RSBN1L: variants seen among roughly 807,000 people sequenced by gnomAD.
RSBN1L encodes the protein lysine-specific demethylase RSBN1L.
In RSBN1L, 30 loss-of-function variants were observed where a neutral mutation model predicts 67.7. That is an observed-to-expected ratio of 0.44 (90% CI 0.33 to 0.60). RSBN1L has a LOEUF of 0.60. RSBN1L is among the 20% of genes least tolerant of loss of function. RSBN1L has a pLI of 0.02. For synonymous variants in RSBN1L, 433 were observed against 387.0 expected, an observed-to-expected ratio of 1.12 and a Z score of -1.39; for missense variants, 992 against 1,031.7, an observed-to-expected ratio of 0.96 and a Z score of 0.53.
chr7:77,713,324 A>G (rs1426632324), intron 1 of RSBN1L, among the ~76,000 whole-genome samples: 3 of 151,634 alleles, frequency 2.0e-5, no homozygotes, highest in African/African-American at 7.3e-5. Context: ...ATTCATCAGT[A>G]ATTTAATTTT....
intron 3 of RSBN1L, among the ~76,000 whole-genome samples, chr7:77,759,382 T>C (rs1488462971): frequency 6.6e-6 from 1 of 152,206 alleles, no homozygotes; most frequent in Non-Finnish European, 1.5e-5. Context: ...TTCGTTCTTA[T>C]TTTAGTTGCC....
intron 6 of RSBN1L, 86 bp downstream of exon 6, chr7:77,773,400 G>A: frequency 1.0e-6 from 1 of 996,604 alleles, no homozygotes; most frequent in Non-Finnish European, 1.4e-6. Context: ...CCTCCTTACT[G>A]TGGGAAAAAA....
At chr7:77,752,169 T>A (rs1172920790) in intron 3 of RSBN1L, among the ~76,000 whole-genome samples, 5 of 152,186 alleles carry the variant, frequency 3.3e-5, no homozygotes, top group Admixed American at 3.3e-4. Context: ...ATGAGCCACC[T>A]CCTCTGGTTG....
chr7:77,712,519 T>A (rs933391334), intron 1 of RSBN1L, among the ~76,000 whole-genome samples: 1 of 152,144 alleles, frequency 6.6e-6, no homozygotes, highest in Non-Finnish European at 1.5e-5. Context: ...CCTCAGGTGA[T>A]CCACCCTCCT....
chr7:77,765,661 G>GTTT, intron 4 of RSBN1L, 29 bp downstream of exon 4: 5 of 1,393,874 alleles, frequency 3.6e-6, no homozygotes, highest in Non-Finnish European at 3.9e-6. Flanking sequence ...TGGGATTAGA[G>GTTT]TTTTTTTTTT....
intron 1 of RSBN1L, among the ~76,000 whole-genome samples, chr7:77,721,862 A>G (rs1354855989): frequency 1.3e-5 from 2 of 152,222 alleles, no homozygotes; most frequent in Non-Finnish European, 2.9e-5. Context: ...GGTAAACTAT[A>G]CATTTAAGGA....
At position 77,696,590 on chromosome 7, in the gene RSBN1L, T is replaced by C. The variant is rs776075957; in HGVS notation, c.121T>C (p.Ser41Pro). The C allele has an allele frequency of 4.3e-6, 7 of 1,614,008 alleles. No homozygotes were observed. In the South Asian group the frequency reaches 7.7e-5, roughly 18 times the overall value. ...LSSRDPPGSL[S>P]AKKVRTEEKK... is the part of the protein sequence containing the mutation. ...CTCCCGGGACCCTCCGGGTTCTCTG[T>C]CCGCCAAGAAGGTCCGGACTGAGGA... Residue 41 changes from serine (S) to proline (P), a missense_variant, in exon 1 of 8, where the codon TCC becomes CCC. This residue lies in a region of RSBN1L where 575 missense variants were observed against 483.2 expected (regional missense o/e 1.19). Coordinates refer to ENST00000334955, the MANE Select transcript of RSBN1L (RefSeq NM_198467.3).
At chr7:77,752,930 C>CT (rs1381217867) in intron 3 of RSBN1L, among the ~76,000 whole-genome samples, 2 of 152,112 alleles carry the variant, frequency 1.3e-5, no homozygotes, top group Non-Finnish European at 2.9e-5. Flanking sequence ...TGTCTGGTCT[C>CT]TTTTCTGTAG....
chr7:77,742,290 A>T (rs1005146791), intron 2 of RSBN1L, among the ~76,000 whole-genome samples: 9 of 152,104 alleles, frequency 5.9e-5, no homozygotes, highest in African/African-American at 2.2e-4. Flanking sequence ...AACAAGAAAA[A>T]TAGCACTTGG....
At chr7:77,746,031 G>T (rs187376510) in intron 2 of RSBN1L, among the ~76,000 whole-genome samples, 74 of 152,302 alleles carry the variant, frequency 4.9e-4, no homozygotes, top group Admixed American at 2.8e-3. Flanking sequence ...AGCTTCGCTG[G>T]CTCGCCCACT....
At position 77,773,330 on chromosome 7, in the gene RSBN1L, G is replaced by T. The variant is rs199928824; in HGVS notation, c.1793+16G>T. 3 of 1,433,170 alleles carry T rather than the reference G, an allele frequency of 2.1e-6. No homozygotes were observed. Among genetic ancestry groups the T allele is most frequent in the Non-Finnish European group, 2.8e-6 (3 of 1,079,932 alleles). 88.8% of individuals were successfully genotyped at this position (1,433,170 alleles called of 1,614,324 possible). A position where few individuals can be genotyped will look rare whatever the true frequency, so the allele number is the denominator to read the frequency against. ...GTGGAGAGTGGTATATATAACTACC[G>T]CTATTTTAATGAAAGAATTTCTTGG... On this transcript the variant is annotated intron_variant, in intron 6 of 7. Coordinates refer to ENST00000334955, the MANE Select transcript of RSBN1L (RefSeq NM_198467.3).
At chr7:77,743,464 GT>G (rs34224542) in intron 2 of RSBN1L, among the ~76,000 whole-genome samples, 1,041 of 31,376 alleles carry the variant, frequency 0.033, 17 homozygotes, top group African/African-American at 0.29. Context: ...AGTTGGTTTT[GT>G]TTTTTTTTTT....
intron 1 of RSBN1L, among the ~76,000 whole-genome samples, chr7:77,727,277 G>T (rs1382270343): frequency 6.6e-6 from 1 of 151,826 alleles, no homozygotes; most frequent in African/African-American, 2.4e-5. Context: ...AGTACAGACG[G>T]GGTTTCTCCA....
At chr7:77,750,807 T>C (rs977412595) in intron 3 of RSBN1L, among the ~76,000 whole-genome samples, 4 of 152,164 alleles carry the variant, frequency 2.6e-5, no homozygotes, top group African/African-American at 4.8e-5. Context: ...ACATTCTAGT[T>C]TGGAAGGAGG....
At chr7:77,701,652 AC>A (rs1790820026) in intron 1 of RSBN1L, among the ~76,000 whole-genome samples, 1 of 117,264 alleles carries the variant, frequency 8.5e-6, no homozygotes, top group African/African-American at 3.9e-5. Context: ...ACTGAATTTT[AC>A]TTTTTTTTTT....
chr7:77,705,276 AT>A (rs1562792940), intron 1 of RSBN1L, among the ~76,000 whole-genome samples: 7 of 152,148 alleles, frequency 4.6e-5, no homozygotes, highest in Admixed American at 4.6e-4. Flanking sequence ...TGTATTCATA[AT>A]TTTTAAAATA....
chr7:77,720,763 C>CTTTTTTTTTT (rs34070122), intron 1 of RSBN1L, among the ~76,000 whole-genome samples: 13 of 104,358 alleles, frequency 1.2e-4, no homozygotes, highest in Non-Finnish European at 2.2e-4. Context: ...TTTTCTTTTT[C>CTTTTTTTTTT]TTTTTTTTTT....
intron 1 of RSBN1L, among the ~76,000 whole-genome samples, chr7:77,725,602 ACACT>A (rs1056966495): frequency 4.0e-5 from 6 of 151,424 alleles, no homozygotes; most frequent in Admixed American, 2.0e-4. Context: ...ATGTAAACAC[ACACT>A]CACAGAAGAG....
At chr7:77,703,758 G>A (rs559036610) in intron 1 of RSBN1L, among the ~76,000 whole-genome samples, 2 of 152,078 alleles carry the variant, frequency 1.3e-5, no homozygotes, top group South Asian at 4.2e-4. Context: ...AAAGTGCTAG[G>A]ATTACAGGCG....
Sources: allele counts gnomAD v4.1 joint callset (sites outside exome capture counted in the v4.1 genomes callset), GRCh38; gene constraint gnomAD v4.1.1; regional missense constraint gnomAD v4.1.1; transcripts MANE v1.5; gene names NCBI Gene and HGNC (gene_info 2026-07-23, HGNC 2026-07-21).